Variants in EXD3 observed in about 807,000 individuals in gnomAD.
EXD3 encodes exonuclease mut-7 homolog.
In EXD3, 92 loss-of-function variants were observed where a neutral mutation model predicts 98.0. The observed-to-expected ratio is 0.94, with a 90% CI of 0.79 to 1.12. EXD3 has a LOEUF of 1.12. EXD3 is among the 50% of genes most tolerant of loss of function. The pLI is 0.00. For missense variants in EXD3, 1,222 were observed against 1,191.6 expected (o/e 1.03, Z -0.38); for synonymous variants, 569 against 526.0 (o/e 1.08, Z -1.12).
intron 19 of EXD3, among the ~76,000 whole-genome samples, chr9:137,322,666 G>A (rs1209299791): frequency 1.5e-5 from 2 of 134,902 alleles, no homozygotes; most frequent in Non-Finnish European, 3.2e-5. Flanking sequence ...GACCCCCGAG[G>A]GATTTTCTGC....
rs139849088 is a variant in EXD3, at chr9:137,393,139, C to A, written c.55+2164G>T. The stretch of plus-strand genomic sequence containing the variant: ...GGGCCATTAGTGTTCCAGGGGGCGC[C>A]GAGGCTGTTCCAGGGGCCCTGCTAG... On this transcript the variant is annotated intron_variant, in intron 2 of 21. Transcript: ENST00000340951. This position sits in a 1 kb window ranked among gnomAD's most constrained non-coding sequence, Gnocchi z 4.6. 3 of 700,898 alleles carry A rather than the reference C, an allele frequency of 4.3e-6. No individual in the cohort carries two copies. The highest frequency in any genetic ancestry group is 2.6e-6 in the Non-Finnish European group (1 of 384,610). The allele number at this position is 700,898 out of a possible 1,614,324, so 43.4% of individuals were successfully genotyped here. A position where few individuals can be genotyped will look rare whatever the true frequency, so the allele number is the denominator to read the frequency against.
At chr9:137,420,069 T>A (rs1333101730) in intron 1 of EXD3, among the ~76,000 whole-genome samples, 1 of 150,710 alleles carries the variant, frequency 6.6e-6, no homozygotes, top group Non-Finnish European at 1.5e-5. Flanking sequence ...CTGAGGCTGG[T>A]GAATGGCGTG....
intron 3 of EXD3, among the ~76,000 whole-genome samples, chr9:137,375,352 C>CAGCTCTAGTGAGTTCT (rs1282041726): frequency 6.6e-6 from 1 of 150,864 alleles, no homozygotes; most frequent in Admixed American, 6.6e-5. Flanking sequence ...TAGTGAGTTC[C>CAGCTCTAGTGAGTTCT]AGCTCTAGTG....
At chr9:137,340,453 G>C (rs1448022397) in intron 17 of EXD3, among the ~76,000 whole-genome samples, 1 of 151,676 alleles carries the variant, frequency 6.6e-6, no homozygotes, top group Non-Finnish European at 1.5e-5. Flanking sequence ...CTCCAGCCTG[G>C]GCAACACAGT....
chr9:137,366,338 G>A (rs1463188734), intron 7 of EXD3, 155 bp downstream of exon 7: 1 of 1,096,546 alleles, frequency 9.1e-7, no homozygotes, highest in Non-Finnish European at 1.3e-6. Context: ...AGAGGCAGCT[G>A]CTCCAGCTGC....
At chr9:137,369,610 C>T (rs1033819911) in intron 5 of EXD3, among the ~76,000 whole-genome samples, 1 of 1,996 alleles carries the variant, frequency 5.0e-4, no homozygotes, top group Non-Finnish European at 9.2e-4. Flanking sequence ...CTGTCCCCAG[C>T]CTCCCTCCGA....
Position 137,383,311 on chromosome 9 carries a change from A to T in EXD3, c.120+2T>A. The T allele has an allele frequency of 1.3e-6, 2 of 1,549,226 alleles. No homozygotes were observed. Among genetic ancestry groups the T allele is most frequent in the Non-Finnish European group, 1.7e-6 (2 of 1,146,126 alleles). ...CACGTGGTGGCTGCCACGTCCACTC[A>T]CCTGCTTCCGCTCCCGCGTGGACCA... is the stretch of plus-strand genomic sequence containing the variant. On this transcript the variant is annotated splice_donor_variant, in intron 3 of 21. Transcript: ENST00000340951. LOFTEE classifies it high-confidence loss of function.
intron 5 of EXD3, among the ~76,000 whole-genome samples, chr9:137,368,699 G>A (rs930813410): frequency 6.6e-6 from 1 of 152,248 alleles, no homozygotes; most frequent in African/African-American, 2.4e-5. Flanking sequence ...AGCGGCCTGG[G>A]AAAGCCTCGA....
At chr9:137,382,805 C>T (rs1161160105) in intron 3 of EXD3, among the ~76,000 whole-genome samples, 1 of 152,168 alleles carries the variant, frequency 6.6e-6, no homozygotes, top group Non-Finnish European at 1.5e-5. Flanking sequence ...TGTGCACAGG[C>T]CATTGCCACT....
At chr9:137,332,939 G>A (rs1833164282) in intron 17 of EXD3, among the ~76,000 whole-genome samples, 1 of 152,170 alleles carries the variant, frequency 6.6e-6, no homozygotes, top group Non-Finnish European at 1.5e-5. Flanking sequence ...ATTGAAGGAT[G>A]CAAAGTATTG....
Position 137,351,130 on chromosome 9 carries a change from C to G in EXD3, c.1402G>C (p.Asp468His), listed in dbSNP as rs1180226156. ...CAGGACGTGCCCAGTTTTTGCAGGT[C>G]CCCCACCATCCCGTAGCCTGTGGGC... ...ITKLGYGMVG[D>H]LQKLGTSCPA... The change falls in exon 14 of 22, where the codon GAC (aspartate) becomes CAC (histidine). Residue 468 changes from aspartate (D) to histidine (H), a missense_variant. Coordinates refer to ENST00000340951, the MANE Select transcript of EXD3 (RefSeq NM_017820.5). The G allele has an allele frequency of 6.3e-7, 1 of 1,578,138 alleles. No individual in the cohort carries two copies. The highest frequency in any genetic ancestry group is 8.6e-7 in the Non-Finnish European group (1 of 1,162,870).
chr9:137,387,544 C>T (rs780947534), intron 2 of EXD3, among the ~76,000 whole-genome samples: 2 of 152,250 alleles, frequency 1.3e-5, no homozygotes, highest in South Asian at 2.1e-4. Flanking sequence ...TCTGTCTGAA[C>T]GAAGAAGACA....
At chr9:137,340,271 G>C (rs574696267) in intron 17 of EXD3, among the ~76,000 whole-genome samples, 48 of 152,190 alleles carry the variant, frequency 3.2e-4, no homozygotes, top group African/African-American at 1.1e-3. Flanking sequence ...AGGTCAAGGA[G>C]TTCAAGGTCA....
chr9:137,416,510 C>G lies in EXD3; in HGVS notation c.-48+6604G>C, dbSNP rs1429699131. ...ACATCCGGCCGGCCCAGCTGACCCCCGGGCAGGCGCCCGGAACCTCGCTGG... is the reference window on the plus strand; with the variant it reads ...ACATCCGGCCGGCCCAGCTGACCCCGGGGCAGGCGCCCGGAACCTCGCTGG... On this transcript the variant is annotated intron_variant, in intron 1 of 21. Transcript: ENST00000340951. Among the ~76,000 whole-genome samples the G allele has an allele frequency of 2.0e-5, 3 of 152,232 alleles. No individual in the cohort carries two copies. The South Asian group carries it at 6.2e-4, about 31-fold the overall frequency.
intron 19 of EXD3, among the ~76,000 whole-genome samples, chr9:137,320,163 T>G (rs1564468168): frequency 6.6e-6 from 1 of 152,220 alleles, no homozygotes; most frequent in Non-Finnish European, 1.5e-5. Flanking sequence ...GAGACGCATA[T>G]GTCTGCAAGG....
chr9:137,367,981 C>A lies in EXD3; in HGVS notation c.471G>T (p.Thr157=), dbSNP rs750534406. Residue 157 remains threonine (T), a synonymous_variant, in exon 6 of 22, where the codon ACG becomes ACT. Coordinates refer to ENST00000340951, the MANE Select transcript of EXD3 (RefSeq NM_017820.5). ...HHEGRFREAA[T]LGATLKLQSE... is the part of the protein sequence containing the mutation. ...ACTGCAGCTTCAACGTCGCGCCCAG[C>A]GTGGCTGCCTGGCAAACACAAAGGC... is the stretch of plus-strand genomic sequence containing the variant. The A allele has an allele frequency of 6.2e-6, 10 of 1,609,522 alleles. No homozygotes were observed. Among genetic ancestry groups the A allele is most frequent in the African/African-American group, 1.3e-5 (1 of 74,936 alleles).
chr9:137,367,208 C>T (rs1248205549), intron 6 of EXD3, among the ~76,000 whole-genome samples: 5 of 152,216 alleles, frequency 3.3e-5, no homozygotes, highest in South Asian at 4.1e-4. Flanking sequence ...ATGGGGCCCA[C>T]CTGCCCAGCA....
At chr9:137,309,529 G>A in intron 20 of EXD3, 78 bp downstream of exon 20, 2 of 1,230,804 alleles carry the variant, frequency 1.6e-6, no homozygotes, top group South Asian at 1.3e-5. Flanking sequence ...GACGGGCCAG[G>A]CCCCTCTCCC....
chr9:137,386,208 G>A (rs1450928491), intron 2 of EXD3, among the ~76,000 whole-genome samples: 1 of 152,060 alleles, frequency 6.6e-6, no homozygotes, highest in African/African-American at 2.4e-5. Context: ...GTGGGAGCAT[G>A]GCTGGAGCCT....
Sources: gnomAD v4.1 joint callset for allele counts (sites outside exome capture counted in the v4.1 genomes callset) on GRCh38, gnomAD v4.1.1 for gene constraint, Gnocchi (gnomAD v3.1) non-coding constraint, MANE v1.5 for transcripts, NCBI Gene and HGNC (gene_info 2026-07-23, HGNC 2026-07-21) for gene names.